Variants in FGGY observed in about 807,000 individuals in gnomAD.
FGGY encodes FGGY carbohydrate kinase domain-containing protein.
FGGY carries 72 observed loss-of-function variants against 71.3 expected under a neutral mutation model. The ratio of observed to expected loss-of-function variants is 1.01; its 90% CI spans 0.84 to 1.23. The LOEUF (loss-of-function observed/expected upper bound fraction) is 1.23, where lower values mean the gene tolerates loss of function less well. FGGY is among the 50% of genes most tolerant of loss of function. The pLI, the probability that FGGY is intolerant of heterozygous loss-of-function variation, is 0.00. For missense variants in FGGY, 668 were observed against 682.3 expected (o/e 0.98, Z 0.23); for synonymous variants, 251 against 250.3 (o/e 1.00, Z -0.02).
intron 14 of FGGY, among the ~76,000 whole-genome samples, chr1:59,726,278 G>A (rs577608199): frequency 2.0e-5 from 3 of 152,078 alleles, no homozygotes; most frequent in Admixed American, 1.3e-4. Context: ...GGAGTAAATC[G>A]TATTTGGTTG....
chr1:59,440,600 A>T (rs1254196248), intron 5 of FGGY, among the ~76,000 whole-genome samples: 1 of 150,516 alleles, frequency 6.6e-6, no homozygotes, highest in Non-Finnish European at 1.5e-5. Flanking sequence ...AATATTAAAC[A>T]TCTACTATGT....
chr1:59,667,279 C>T lies in FGGY; in HGVS notation c.1297-4C>T. On this transcript the variant is annotated splice_polypyrimidine_tract_variant and splice_region_variant and intron_variant, in intron 12 of 15. Coordinates refer to ENST00000303721, the MANE Select transcript of FGGY (RefSeq NM_018291.5). ...TGATGCTATCTTCTGCTTTTCCTTTCAAGTTGGGGACTCGCTTCATTATAG... is the reference window on the plus strand; with the variant it reads ...TGATGCTATCTTCTGCTTTTCCTTTTAAGTTGGGGACTCGCTTCATTATAG... The T allele has an allele frequency of 6.2e-7, 1 of 1,614,058 alleles. No individual in the cohort carries two copies. The highest frequency in any genetic ancestry group is 8.5e-7 in the Non-Finnish European group (1 of 1,179,998).
chr1:59,555,205 A>G (rs2095666236), intron 8 of FGGY, among the ~76,000 whole-genome samples: 1 of 152,222 alleles, frequency 6.6e-6, no homozygotes. Flanking sequence ...AGGTATTAGA[A>G]TATAATGTGA....
At chr1:59,648,724 C>A (rs1032133413) in intron 11 of FGGY, among the ~76,000 whole-genome samples, 7 of 151,202 alleles carry the variant, frequency 4.6e-5, no homozygotes, top group African/African-American at 1.7e-4. Context: ...ATGGTAGTTT[C>A]TTTTGCTGTG....
rs557238421 is a variant in FGGY at position 59,364,115 on chromosome 1, C to T, written c.466-14634C>T. ...AAGAAGAAGGGACATCTGTGTGAGC[C>T]AGCTTGGAACAGATGCCAGGTTATC... On this transcript the variant is annotated intron_variant, in intron 4 of 15. Transcript: ENST00000303721. Among the ~76,000 whole-genome samples, 4 of 152,276 alleles carry T rather than the reference C, an allele frequency of 2.6e-5. No individual in the cohort carries two copies. In the East Asian group the frequency reaches 7.7e-4, roughly 29 times the overall value.
chr1:59,430,116 G>A (rs1348601284), intron 5 of FGGY, among the ~76,000 whole-genome samples: 1 of 152,180 alleles, frequency 6.6e-6, no homozygotes, highest in Admixed American at 6.5e-5. Flanking sequence ...CTTCAGTTTT[G>A]CATGTGAAGA....
At chr1:59,445,364 T>G (rs867370215) in intron 5 of FGGY, among the ~76,000 whole-genome samples, 1 of 152,228 alleles carries the variant, frequency 6.6e-6, no homozygotes, top group Non-Finnish European at 1.5e-5. Flanking sequence ...TGCTGCTGCT[T>G]CTTTTTCTAG....
chr1:59,409,329 C>T (rs979761737), intron 5 of FGGY, among the ~76,000 whole-genome samples: 9 of 152,042 alleles, frequency 5.9e-5, no homozygotes, highest in Admixed American at 3.3e-4. Context: ...ATTTCCTCTG[C>T]GAGAGGCCCA....
intron 14 of FGGY, among the ~76,000 whole-genome samples, chr1:59,706,308 C>G (rs1002182829): frequency 3.3e-5 from 5 of 152,192 alleles, no homozygotes; most frequent in Admixed American, 1.3e-4. Context: ...CCACTCTTTA[C>G]TTGTGAGGCC....
intron 1 of FGGY, among the ~76,000 whole-genome samples, chr1:59,305,071 T>A (rs1320029037): frequency 2.6e-5 from 4 of 152,194 alleles, no homozygotes; most frequent in Non-Finnish European, 5.9e-5. Flanking sequence ...TTGTAATTGC[T>A]CTAGCTAGGA....
intron 5 of FGGY, among the ~76,000 whole-genome samples, chr1:59,432,565 C>T (rs1424894087): frequency 4.6e-5 from 7 of 152,184 alleles, no homozygotes; most frequent in Non-Finnish European, 7.3e-5. Flanking sequence ...CCCTCACACA[C>T]GTGATGTAAA....
chr1:59,308,998 A>C (rs2043852115), intron 1 of FGGY, among the ~76,000 whole-genome samples: 1 of 152,132 alleles, frequency 6.6e-6, no homozygotes, highest in Non-Finnish European at 1.5e-5. Flanking sequence ...TGCCTTTACA[A>C]AAAAAGGTTG....
intron 1 of FGGY, among the ~76,000 whole-genome samples, chr1:59,313,104 T>C (rs1341076587): frequency 6.6e-6 from 1 of 152,170 alleles, no homozygotes; most frequent in Non-Finnish European, 1.5e-5. Context: ...AGTAAACTGG[T>C]ACCTCCATTA....
intron 8 of FGGY, among the ~76,000 whole-genome samples, chr1:59,585,648 A>C (rs977343517): frequency 5.3e-5 from 8 of 152,248 alleles, no homozygotes; most frequent in East Asian, 1.9e-4. Context: ...AGCAATGGCA[A>C]CAAAAGCCAA....
At chr1:59,517,609 C>A (rs964167769) in intron 7 of FGGY, among the ~76,000 whole-genome samples, 1 of 152,168 alleles carries the variant, frequency 6.6e-6, no homozygotes, top group African/African-American at 2.4e-5. Flanking sequence ...CCCTCCCTGA[C>A]TTCCCAAGTT....
intron 1 of FGGY, among the ~76,000 whole-genome samples, chr1:59,305,801 T>C (rs1029137811): frequency 2.0e-5 from 3 of 152,224 alleles, no homozygotes; most frequent in African/African-American, 7.2e-5. Context: ...CAGATTGTTT[T>C]CACATATAGA....
At chr1:59,680,450 CTT>C (rs71046337) in intron 14 of FGGY, among the ~76,000 whole-genome samples, 210 of 127,186 alleles carry the variant, frequency 1.7e-3, no homozygotes, top group South Asian at 5.6e-3. Flanking sequence ...ACAATACATT[CTT>C]TTTTTTTTTT....
At chr1:59,444,287 A>C (rs1258233891) in intron 5 of FGGY, among the ~76,000 whole-genome samples, 1 of 152,172 alleles carries the variant, frequency 6.6e-6, no homozygotes, top group African/African-American at 2.4e-5. Context: ...TTTATTTTTA[A>C]TTGACAGATA....
At chr1:59,697,340 A>G (rs111435675) in intron 14 of FGGY, among the ~76,000 whole-genome samples, 26 of 152,304 alleles carry the variant, frequency 1.7e-4, no homozygotes, top group African/African-American at 6.3e-4. Context: ...CCGTTAAACA[A>G]TAACTCTGCA....
Sources: gnomAD v4.1 joint callset for allele counts (sites outside exome capture counted in the v4.1 genomes callset) on GRCh38, gnomAD v4.1.1 for gene constraint, MANE v1.5 for transcripts, NCBI Gene and HGNC (gene_info 2026-07-23, HGNC 2026-07-21) for gene names.